The following KCNA1 variants were observed in gnomAD, a reference collection of about 807,000 sequenced individuals.
KCNA1 encodes potassium voltage-gated channel subfamily A member 1, also known as potassium channel, voltage gated shaker related subfamily A, member 1.
KCNA1 carries 19 observed loss-of-function variants against 28.8 expected under a neutral mutation model. The ratio of observed to expected loss-of-function variants is 0.66; its 90% CI spans 0.46 to 0.97. KCNA1 has a LOEUF of 0.97. KCNA1 is among the 50% of genes least tolerant of loss of function. The probability of loss-of-function intolerance (pLI) is 0.00; values close to 1 mark genes in which losing one functional copy is unlikely to be tolerated. For missense variants in KCNA1, 419 were observed against 659.7 expected (o/e 0.64, Z 4.00); for synonymous variants, 311 against 268.8 (o/e 1.16, Z -1.53).
Position 4,911,861 on chromosome 12 carries a change from G to A in KCNA1, c.483G>A (p.Glu161=), listed in dbSNP as rs979309554. The A allele has an allele frequency of 4.3e-6, 7 of 1,613,876 alleles. No individual in the cohort carries two copies. The highest frequency in any genetic ancestry group is 1.3e-5 in the African/African-American group (1 of 74,900). The part of the protein sequence containing the change: ...RQVWLLFEYP[E]SSGPARVIAI... ...TGTGGCTGCTCTTCGAGTACCCCGA[G>A]AGCTCGGGGCCCGCCAGGGTCATCG... The change falls in exon 2 of 2, where the codon GAG becomes GAA. Residue 161 remains glutamate, a synonymous_variant. Transcript: ENST00000382545. This position sits in a 1 kb window ranked among gnomAD's most constrained non-coding sequence, Gnocchi z 6.6.
chr12:4,912,719 T>C lies in KCNA1; in HGVS notation c.1341T>C (p.Ser447=). Residue 447 remains serine, a synonymous_variant, in exon 2 of 2, where the codon TCT becomes TCC. Coordinates refer to ENST00000382545, the MANE Select transcript of KCNA1 (RefSeq NM_000217.3). ...GTGACCTCAGTCGCCGCAGTTCCTC[T>C]ACTATGAGCAAGTCTGAGTACATGG... The part of the protein sequence containing the change: ...SDSDLSRRSS[S]TMSKSEYMEI... 1 of 1,613,776 alleles carries C rather than the reference T, an allele frequency of 6.2e-7. No individual in the cohort carries two copies.
Position 4,911,425 on chromosome 12 carries a change from C to G in KCNA1, c.47C>G (p.Pro16Arg). 6.2e-7 allele frequency: 1 copy of G among 1,613,346 alleles called. No homozygotes were observed. Among genetic ancestry groups the G allele is most frequent in the Non-Finnish European group, 8.5e-7 (1 of 1,179,814 alleles). Residue 16 changes from proline to arginine, a missense_variant, in exon 2 of 2, where the codon CCG (proline) becomes CGG (arginine). Physicochemically the swap from Pro to Arg is moderately radical, Grantham distance 103 (BLOSUM62 -2). Around this residue, in one of 4 missense-constraint regions of KCNA1, gnomAD observed 67 missense variants for 57.2 expected, o/e 1.17. Coordinates refer to ENST00000382545, the MANE Select transcript of KCNA1 (RefSeq NM_000217.3). This position sits in a 1 kb window ranked among gnomAD's most constrained non-coding sequence, Gnocchi z 6.6. ...GENVDEASAA[P>R]GHPQDGSYPR... Reference sequence around the variant, plus strand: ...AACGTGGACGAGGCTTCGGCCGCCCCGGGCCACCCCCAGGATGGCAGCTAC... The same window carrying G: ...AACGTGGACGAGGCTTCGGCCGCCCGGGGCCACCCCCAGGATGGCAGCTAC...
chr12:4,913,171 C>CATATAT lies in KCNA1; in HGVS notation c.*309_*310insATATAT, dbSNP rs2137674660. 1 of 349,076 alleles carries CATATAT rather than the reference C, an allele frequency of 2.9e-6. No individual in the cohort carries two copies. Among genetic ancestry groups the CATATAT allele is most frequent in the South Asian group, 3.6e-5 (1 of 27,800 alleles). The allele number at this position is 349,076 out of a possible 1,614,324, so 21.6% of individuals were successfully genotyped here. A position where few individuals can be genotyped will look rare whatever the true frequency, so the allele number is the denominator to read the frequency against. On this transcript the variant is annotated 3_prime_UTR_variant, in exon 2 of 2. Coordinates refer to ENST00000382545, the MANE Select transcript of KCNA1 (RefSeq NM_000217.3). ...GAACTAGTCTAGGTAAAATAATAAT[C>CATATAT]ATATGCTTCCCCAAACTGAAACATT...
In KCNA1 at chr12:4,917,526, C is replaced by T. The variant is rs1947392663; in HGVS notation, c.*4660C>T. 6.0e-6 allele frequency: 1 copy of T among 167,084 alleles called. No individual in the cohort carries two copies. The highest frequency in any genetic ancestry group is 6.5e-5 in the Admixed American group (1 of 15,282). The allele number at this position is 167,084 out of a possible 1,614,324, so 10.4% of individuals were successfully genotyped here. A position where few individuals can be genotyped will look rare whatever the true frequency, so the allele number is the denominator to read the frequency against. On this transcript the variant is annotated 3_prime_UTR_variant, in exon 2 of 2. Transcript: ENST00000382545. The stretch of plus-strand genomic sequence containing the variant: ...GGGATTAAATGCCAGCCTCTTTGCT[C>T]AGGCAAAATGACCCTGGGCTTTCTT...
Position 4,911,359 on chromosome 12 carries a change from C to A in KCNA1, c.-20C>A. On this transcript the variant is annotated 5_prime_UTR_variant, in exon 2 of 2. Coordinates refer to ENST00000382545, the MANE Select transcript of KCNA1 (RefSeq NM_000217.3). This position sits in a 1 kb window ranked among gnomAD's most constrained non-coding sequence, Gnocchi z 6.6. ...CCCGGGCTCTCTCCTGGCCTCCCACCCCCGCGCCCGGCTTCCACCATGACG... is the reference window on the plus strand; with the variant it reads ...CCCGGGCTCTCTCCTGGCCTCCCACACCCGCGCCCGGCTTCCACCATGACG... The A allele has an allele frequency of 6.2e-7, 1 of 1,609,742 alleles. No individual in the cohort carries two copies. Among genetic ancestry groups the A allele is most frequent in the Non-Finnish European group, 8.5e-7 (1 of 1,179,258 alleles).
Position 4,912,934 on chromosome 12 carries a change from A to C in KCNA1, c.*68A>C. ...AAAAGACTTAAAAAACAAAACAGAA[A>C]ACCTAGTGACTCATGTCACGCTTTG... is the stretch of plus-strand genomic sequence containing the variant. On this transcript the variant is annotated 3_prime_UTR_variant, in exon 2 of 2. Transcript: ENST00000382545. 9.3e-7 allele frequency: 1 copy of C among 1,071,816 alleles called. No individual in the cohort carries two copies. The highest frequency in any genetic ancestry group is 1.5e-6 in the Non-Finnish European group (1 of 686,388). The allele number at this position is 1,071,816 out of a possible 1,614,324, so 66.4% of individuals were successfully genotyped here. A position where few individuals can be genotyped will look rare whatever the true frequency, so the allele number is the denominator to read the frequency against.
rs1487509683 is a variant in KCNA1 at position 4,911,858 on chromosome 12, C to T, written c.480C>T (p.Pro160=). 2 of 1,613,952 alleles carry T rather than the reference C, an allele frequency of 1.2e-6. No individual in the cohort carries two copies. The highest frequency in any genetic ancestry group is 2.2e-5 in the East Asian group (1 of 44,842). ...QRQVWLLFEY[P]ESSGPARVIA... ...AGGTGTGGCTGCTCTTCGAGTACCC[C>T]GAGAGCTCGGGGCCCGCCAGGGTCA... Residue 160 remains proline, a synonymous_variant, in exon 2 of 2, where the codon CCC becomes CCT. Transcript: ENST00000382545. The surrounding 1 kb of genome is among the most constrained non-coding windows in gnomAD (Gnocchi z 6.6).
chr12:4,912,044 C>T lies in KCNA1; in HGVS notation c.666C>T (p.Phe222=), dbSNP rs1849999250. The T allele has an allele frequency of 1.2e-6, 2 of 1,614,090 alleles. No homozygotes were observed. The highest frequency in any genetic ancestry group is 2.2e-5 in the East Asian group (1 of 44,880). ...CCAACATCTTCACAGACCCCTTCTT[C>T]ATCGTGGAAACGCTGTGTATCATCT... ...YNSNIFTDPF[F]IVETLCIIWF... The change falls in exon 2 of 2, where the codon TTC becomes TTT. Residue 222 remains phenylalanine, a synonymous_variant. Coordinates refer to ENST00000382545, the MANE Select transcript of KCNA1 (RefSeq NM_000217.3).
At position 4,914,614 on chromosome 12, in the gene KCNA1, C is replaced by A. The variant is rs879062548; in HGVS notation, c.*1748C>A. 1 of 167,218 alleles carries A rather than the reference C, an allele frequency of 6.0e-6. No homozygotes were observed. The highest frequency in any genetic ancestry group is 2.4e-5 in the African/African-American group (1 of 41,442). 10.4% of individuals were successfully genotyped at this position (167,218 alleles called of 1,614,324 possible). A position where few individuals can be genotyped will look rare whatever the true frequency, so the allele number is the denominator to read the frequency against. On this transcript the variant is annotated 3_prime_UTR_variant, in exon 2 of 2. Coordinates refer to ENST00000382545, the MANE Select transcript of KCNA1 (RefSeq NM_000217.3). ...AAGTGGGGAAGGGTTGGGGCACAGA[C>A]CTTTTGCTTTTTCTTTTTCCATTCT...
rs769483045 is a variant in KCNA1 at position 4,911,384 on chromosome 12, G to A, written c.6G>A (p.Thr2=). 3 of 1,611,476 alleles carry A rather than the reference G, an allele frequency of 1.9e-6. No homozygotes were observed. In the African/African-American group the frequency reaches 4.0e-5, roughly 22 times the overall value. The change falls in exon 2 of 2, where the codon ACG becomes ACA. Residue 2 remains threonine, a synonymous_variant. Transcript: ENST00000382545. The surrounding 1 kb of genome is among the most constrained non-coding windows in gnomAD (Gnocchi z 6.6). ...CCCCGCGCCCGGCTTCCACCATGAC[G>A]GTGATGTCTGGGGAGAACGTGGACG... is the stretch of plus-strand genomic sequence containing the variant. The part of the protein sequence containing the change: M[T]VMSGENVDEA...
rs1947344617 is a variant in KCNA1 at position 4,910,704 on chromosome 12, C to G, written c.-539-136C>G. 6.5e-6 allele frequency: 1 copy of G among 153,618 alleles called. No homozygotes were observed. Among genetic ancestry groups the G allele is most frequent in the African/African-American group, 2.4e-5 (1 of 41,536 alleles). 9.5% of individuals were successfully genotyped at this position (153,618 alleles called of 1,614,324 possible). A position where few individuals can be genotyped will look rare whatever the true frequency, so the allele number is the denominator to read the frequency against. Reference sequence around the variant, plus strand: ...TCCGGGTGTCTGCGTGTCGTCTGTCCGTGTGTGTGTGATAGCCCTAGCAAA... The same window carrying G: ...TCCGGGTGTCTGCGTGTCGTCTGTCGGTGTGTGTGTGATAGCCCTAGCAAA... On this transcript the variant is annotated intron_variant, in intron 1 of 1. Coordinates refer to ENST00000382545, the MANE Select transcript of KCNA1 (RefSeq NM_000217.3). This position sits in a 1 kb window ranked among gnomAD's most constrained non-coding sequence, Gnocchi z 4.9.
rs756744600 is a variant in KCNA1, at chr12:4,912,248, C to T, written c.870C>T (p.Ile290=). The change falls in exon 2 of 2, where the codon ATC becomes ATT. Residue 290 remains isoleucine (I), a synonymous_variant. Transcript: ENST00000382545. ...GCGAGCAGGCCACCTCCCTGGCCAT[C>T]CTCAGGGTCATCCGCTTGGTAAGGG... The part of the protein sequence containing the change: ...QKGEQATSLA[I]LRVIRLVRVF... 8.7e-6 allele frequency: 14 copies of T among 1,612,962 alleles called. No homozygotes were observed. The highest frequency in any genetic ancestry group is 1.2e-5 in the Non-Finnish European group (14 of 1,179,834).
chr12:4,912,587 C>A lies in KCNA1; in HGVS notation c.1209C>A (p.Pro403=). Residue 403 remains proline, a synonymous_variant, in exon 2 of 2, where the codon CCC becomes CCA. Transcript: ENST00000382545. Reference sequence around the variant, plus strand: ...CTGGTGTGCTAACAATTGCCCTGCCCGTACCTGTCATTGTGTCCAATTTCA... The same window carrying A: ...CTGGTGTGCTAACAATTGCCCTGCCAGTACCTGTCATTGTGTCCAATTTCA... ...AIAGVLTIAL[P]VPVIVSNFNY... is the part of the protein sequence containing the mutation. 1 of 1,613,796 alleles carries A rather than the reference C, an allele frequency of 6.2e-7. No individual in the cohort carries two copies.
At position 4,912,532 on chromosome 12, in the gene KCNA1, G is replaced by A; in HGVS notation, c.1154G>A (p.Gly385Asp). 1 of 1,613,910 alleles carries A rather than the reference G, an allele frequency of 6.2e-7. No homozygotes were observed. The change falls in exon 2 of 2, where the codon GGC becomes GAC. Residue 385 changes from glycine to aspartate, a missense_variant. Gly to Asp is a moderately conservative substitution (Grantham distance 94). Coordinates refer to ENST00000382545, the MANE Select transcript of KCNA1 (RefSeq NM_000217.3). The stretch of plus-strand genomic sequence containing the variant: ...GACATGTACCCTGTGACAATTGGAG[G>A]CAAGATCGTGGGCTCCTTGTGTGCC... ...YGDMYPVTIGGKIVGSLCAIA... is the reference protein window; with the variant it reads ...YGDMYPVTIGDKIVGSLCAIA...
rs1278247093 is a variant in KCNA1, at chr12:4,913,167, T to C, written c.*301T>C. ...CCACGAACTAGTCTAGGTAAAATAA[T>C]AATCATATGCTTCCCCAAACTGAAA... On this transcript the variant is annotated 3_prime_UTR_variant, in exon 2 of 2. Coordinates refer to ENST00000382545, the MANE Select transcript of KCNA1 (RefSeq NM_000217.3). 1 of 365,420 alleles carries C rather than the reference T, an allele frequency of 2.7e-6. No individual in the cohort carries two copies. Among genetic ancestry groups the C allele is most frequent in the Non-Finnish European group, 5.3e-6 (1 of 190,390 alleles). The allele number at this position is 365,420 out of a possible 1,614,324, so 22.6% of individuals were successfully genotyped here. A position where few individuals can be genotyped will look rare whatever the true frequency, so the allele number is the denominator to read the frequency against.
rs1947377598 is a variant in KCNA1, at chr12:4,915,203, C to T, written c.*2337C>T. On this transcript the variant is annotated 3_prime_UTR_variant, in exon 2 of 2. Transcript: ENST00000382545. ...TCCTGGCTGAAAGAGAGCCACGGAA[C>T]ACAGGCCTCTGGAGCTCGGCAGCTG... 6.0e-6 allele frequency: 1 copy of T among 167,134 alleles called. No individual in the cohort carries two copies. The highest frequency in any genetic ancestry group is 6.5e-5 in the Admixed American group (1 of 15,292). The allele number at this position is 167,134 out of a possible 1,614,324, so 10.4% of individuals were successfully genotyped here. A position where few individuals can be genotyped will look rare whatever the true frequency, so the allele number is the denominator to read the frequency against.
At position 4,912,808 on chromosome 12, in the gene KCNA1, A is replaced by C; in HGVS notation, c.1430A>C (p.Asn477Thr). 1 of 1,614,178 alleles carries C rather than the reference A, an allele frequency of 6.2e-7. No homozygotes were observed. Among genetic ancestry groups the C allele is most frequent in the Non-Finnish European group, 8.5e-7 (1 of 1,180,028 alleles). ...HYRQVNIRTANCTTANQNCVN... is the reference protein window; with the variant it reads ...HYRQVNIRTATCTTANQNCVN... ...AGACAGGTCAATATCAGAACTGCCA[A>C]TTGCACCACTGCTAACCAAAACTGC... Residue 477 changes from asparagine to threonine, a missense_variant, in exon 2 of 2, where the codon AAT becomes ACT. Physicochemically the swap from Asn to Thr is moderately conservative, Grantham distance 65. Transcript: ENST00000382545.
At position 4,914,569 on chromosome 12, in the gene KCNA1, G is replaced by T. The variant is rs1947373055; in HGVS notation, c.*1703G>T. 1.2e-5 allele frequency: 2 copies of T among 167,136 alleles called. No homozygotes were observed. Among genetic ancestry groups the T allele is most frequent in the African/African-American group, 2.4e-5 (1 of 41,458 alleles). The allele number at this position is 167,136 out of a possible 1,614,324, so 10.4% of individuals were successfully genotyped here. A position where few individuals can be genotyped will look rare whatever the true frequency, so the allele number is the denominator to read the frequency against. Reference sequence around the variant, plus strand: ...CTGTAGAAAGTGCCTCCTTAACACAGCTGAGAAGTTAGGTAGCAAAAGTGG... The same window carrying T: ...CTGTAGAAAGTGCCTCCTTAACACATCTGAGAAGTTAGGTAGCAAAAGTGG... On this transcript the variant is annotated 3_prime_UTR_variant, in exon 2 of 2. Transcript: ENST00000382545.
rs1400851411 is a variant in KCNA1 at position 4,910,722 on chromosome 12, C to T, written c.-539-118C>T. On this transcript the variant is annotated intron_variant, in intron 1 of 1. Coordinates refer to ENST00000382545, the MANE Select transcript of KCNA1 (RefSeq NM_000217.3). This position sits in a 1 kb window ranked among gnomAD's most constrained non-coding sequence, Gnocchi z 4.9. The stretch of plus-strand genomic sequence containing the variant: ...GTCTGTCCGTGTGTGTGTGATAGCC[C>T]TAGCAAACGTCCAGTGCTTTCTCAA... 1 of 153,600 alleles carries T rather than the reference C, an allele frequency of 6.5e-6. No homozygotes were observed. 9.5% of individuals were successfully genotyped at this position (153,600 alleles called of 1,614,324 possible). A position where few individuals can be genotyped will look rare whatever the true frequency, so the allele number is the denominator to read the frequency against.
Sources: allele counts gnomAD v4.1 joint callset, GRCh38; gene constraint gnomAD v4.1.1; regional missense constraint gnomAD v4.1.1; non-coding constraint Gnocchi (gnomAD v3.1); transcripts MANE v1.5; gene names NCBI Gene and HGNC (gene_info 2026-07-23, HGNC 2026-07-21).